FSTL4: variants seen among roughly 807,000 people sequenced by gnomAD.
FSTL4 encodes follistatin like 4.
In FSTL4, 28 loss-of-function variants were observed where a neutral mutation model predicts 78.2. The ratio of observed to expected loss-of-function variants is 0.36; its 90% CI spans 0.27 to 0.49. FSTL4 has a LOEUF of 0.49. Among genes scored for constraint, FSTL4 ranks in the 20% least tolerant of loss-of-function variants. The pLI, the probability that FSTL4 is intolerant of heterozygous loss-of-function variation, is 0.98. For synonymous variants in FSTL4, 422 were observed against 440.5 expected, an observed-to-expected ratio of 0.96 and a Z score of 0.53; for missense variants, 922 against 1,084.9, an observed-to-expected ratio of 0.85 and a Z score of 2.11.
the FSTL4 span, among the ~76,000 whole-genome samples, chr5:133,672,320 G>T: frequency 6.6e-6 from 1 of 152,316 alleles, no homozygotes; most frequent in Non-Finnish European, 1.5e-5. Context: ...AGGTCTCTCA[G>T]TGTGACTTGG....
intron 6 of FSTL4, among the ~76,000 whole-genome samples, chr5:133,262,229 C>T (rs1391852582): frequency 6.6e-6 from 1 of 152,168 alleles, no homozygotes; most frequent in African/African-American, 2.4e-5. Flanking sequence ...CTCACTGCCC[C>T]AGCCCCTGTT....
intron 3 of FSTL4, among the ~76,000 whole-genome samples, chr5:133,486,095 A>T (rs1487053670): frequency 2.0e-5 from 3 of 152,140 alleles, no homozygotes. Flanking sequence ...CCATCGGTAA[A>T]AACACGGGCT....
intron 4 of FSTL4, among the ~76,000 whole-genome samples, chr5:133,366,637 C>G (rs761297655): frequency 6.6e-6 from 1 of 152,024 alleles, no homozygotes; most frequent in East Asian, 1.9e-4. Context: ...AGGAAACCCT[C>G]TGGTGACTCA....
intron 3 of FSTL4, among the ~76,000 whole-genome samples, chr5:133,407,193 C>CCTGCTT (rs1373296331): frequency 3.3e-5 from 5 of 152,204 alleles, no homozygotes; most frequent in African/African-American, 1.2e-4. Context: ...AGAAGGAAGC[C>CCTGCTT]CTGCTTGGAT....
chr5:133,638,607 G>T, the FSTL4 span, among the ~76,000 whole-genome samples: 4 of 152,034 alleles, frequency 2.6e-5, no homozygotes, highest in East Asian at 7.7e-4. Context: ...AGCCTTTTCT[G>T]ACCAGCCTCC....
At chr5:133,645,838 G>A in the FSTL4 span, among the ~76,000 whole-genome samples, 17 of 152,164 alleles carry the variant, frequency 1.1e-4, no homozygotes, top group Admixed American at 1.1e-3. Flanking sequence ...GAAAAGGCAA[G>A]AAAGTTTCCT....
intron 3 of FSTL4, among the ~76,000 whole-genome samples, chr5:133,476,335 T>C (rs1757925132): frequency 6.6e-6 from 1 of 152,198 alleles, no homozygotes; most frequent in African/African-American, 2.4e-5. Context: ...TCGACCGCCT[T>C]GTCTTGTGTA....
intron 4 of FSTL4, among the ~76,000 whole-genome samples, chr5:133,393,123 G>A (rs1264091782): frequency 6.6e-6 from 1 of 152,184 alleles, no homozygotes; most frequent in East Asian, 1.9e-4. Flanking sequence ...CAGGGATGCT[G>A]GACTACGGGG....
chr5:133,715,578 G>A, the FSTL4 span, among the ~76,000 whole-genome samples: 1 of 152,210 alleles, frequency 6.6e-6, no homozygotes, highest in Non-Finnish European at 1.5e-5. Context: ...AGGGGAAAGA[G>A]GGCAGATTAA....
rs145034682 is a variant in FSTL4 at position 133,358,790 on chromosome 5, G to A, written c.409+41948C>T. On this transcript the variant is annotated intron_variant, in intron 4 of 15. Transcript: ENST00000265342. ...AATTTCTGTATTTTTATTAGAGATG[G>A]GGTTTCACCAGGTTGGCCAGGCTGG... 3.7e-3 allele frequency among the ~76,000 whole-genome samples: 565 copies of A among 151,984 alleles called. 7 individuals are homozygous for A. The Middle Eastern group carries it at 0.037, about 10-fold the overall frequency.
chr5:133,310,809 C>A (rs968761923), intron 6 of FSTL4, among the ~76,000 whole-genome samples: 2 of 152,298 alleles, frequency 1.3e-5, no homozygotes, highest in Admixed American at 6.5e-5. Flanking sequence ...CCCCAGAGAA[C>A]ATGTTGCTGC....
chr5:133,225,103 C>T lies in FSTL4; in HGVS notation c.1312+47G>A, dbSNP rs759890576. 1.2e-6 allele frequency: 2 copies of T among 1,612,632 alleles called. No individual in the cohort carries two copies. The highest frequency in any genetic ancestry group is 8.5e-7 in the Non-Finnish European group (1 of 1,179,088). On this transcript the variant is annotated intron_variant, in intron 10 of 15. Transcript: ENST00000265342. The surrounding 1 kb of genome is among the most constrained non-coding windows in gnomAD (Gnocchi z 4.6). ...ATTGGTGCCCTCCCTTGCCACCCAA[C>T]ACCTCCCAGCCAGCTCAGTGAGAAG...
At chr5:133,751,806 A>G in the FSTL4 span, among the ~76,000 whole-genome samples, 1 of 152,242 alleles carries the variant, frequency 6.6e-6, no homozygotes, top group South Asian at 2.1e-4. Flanking sequence ...CTCTGCCCAA[A>G]GCTGTCTGCC....
chr5:133,567,368 C>T, intron 2 of FSTL4, 149 bp from the exon 3 acceptor site: 1 of 667,282 alleles, frequency 1.5e-6, no homozygotes, highest in South Asian at 1.8e-5. Flanking sequence ...GTCTACTAAA[C>T]TCTCAACATG....
the FSTL4 span, among the ~76,000 whole-genome samples, chr5:133,637,819 A>G: frequency 1.4e-4 from 21 of 151,968 alleles, no homozygotes; most frequent in East Asian, 1.9e-3. Context: ...AGACTCCTAC[A>G]TCCCATCACC....
At chr5:133,252,951 C>T (rs17166458) in intron 6 of FSTL4, among the ~76,000 whole-genome samples, 1 of 152,152 alleles carries the variant, frequency 6.6e-6, no homozygotes, top group South Asian at 2.1e-4. Flanking sequence ...AGGAAAAACT[C>T]GTGCAAAATT....
intron 2 of FSTL4, among the ~76,000 whole-genome samples, chr5:133,589,956 ACT>A (rs1333358807): frequency 6.6e-6 from 1 of 152,038 alleles, no homozygotes; most frequent in Admixed American, 6.5e-5. Flanking sequence ...TACCTCATAG[ACT>A]CTCTTTGAGA....
chr5:133,254,813 A>C (rs1752344563), intron 6 of FSTL4, among the ~76,000 whole-genome samples: 1 of 152,162 alleles, frequency 6.6e-6, no homozygotes, highest in Non-Finnish European at 1.5e-5. Flanking sequence ...GTTGAGCCTC[A>C]CATCCTGATG....
intron 6 of FSTL4, among the ~76,000 whole-genome samples, chr5:133,252,989 C>T (rs1310418771): frequency 1.3e-5 from 2 of 152,196 alleles, no homozygotes; most frequent in Non-Finnish European, 1.5e-5. Flanking sequence ...ATAGAACCAT[C>T]GTAGTTCTGC....
Sources: gnomAD v4.1 joint callset for allele counts (sites outside exome capture counted in the v4.1 genomes callset) on GRCh38, gnomAD v4.1.1 for gene constraint, Gnocchi (gnomAD v3.1) non-coding constraint, MANE v1.5 for transcripts, NCBI Gene and HGNC (gene_info 2026-07-23, HGNC 2026-07-21) for gene names.